Variants in HIRA observed in about 807,000 individuals in gnomAD.
The protein encoded by HIRA is histone cell cycle regulator, also known as protein HIRA.
A neutral mutation model predicts 126.6 loss-of-function variants in HIRA; 13 were observed. The ratio of observed to expected loss-of-function variants is 0.10; its 90% confidence interval spans 0.07 to 0.16. The LOEUF (loss-of-function observed/expected upper bound fraction) is 0.16. Among genes scored for constraint, HIRA ranks in the 10% least tolerant of loss-of-function variants. The pLI, the probability that HIRA is intolerant of heterozygous loss-of-function variation, is 1.00. For synonymous variants in HIRA, 511 were observed against 520.0 expected (o/e 0.98, Z 0.24); for missense variants, 834 against 1,314.4 (o/e 0.63, Z 5.65).
intron 18 of HIRA, among the ~76,000 whole-genome samples, 156 bp from the exon 19 acceptor site, chr22:19,357,207 G>A (rs1036201972): frequency 2.3e-4 from 35 of 152,324 alleles, no homozygotes; most frequent in African/African-American, 7.7e-4. Flanking sequence ...TCAGGGTAGG[G>A]CTGGTGGGGC....
chr22:19,372,058 G>C (rs1279037540), intron 15 of HIRA, among the ~76,000 whole-genome samples: 1 of 152,168 alleles, frequency 6.6e-6, no homozygotes, highest in Non-Finnish European at 1.5e-5. Flanking sequence ...TTCCAAAGGT[G>C]CTAAAAGACT....
chr22:19,424,373 A>T (rs2089472675), intron 1 of HIRA, among the ~76,000 whole-genome samples: 1 of 152,196 alleles, frequency 6.6e-6, no homozygotes, highest in Non-Finnish European at 1.5e-5. Context: ...TCTGCTTCTC[A>T]CTGAAAACAT....
intron 24 of HIRA, among the ~76,000 whole-genome samples, chr22:19,334,210 T>C (rs901236899): frequency 1.7e-4 from 26 of 151,422 alleles, no homozygotes; most frequent in Admixed American, 9.8e-4. Context: ...CTCCTGACCT[T>C]GTGATCCGCC....
chr22:19,379,430 G>T (rs1366026613), intron 13 of HIRA, among the ~76,000 whole-genome samples: 2 of 150,806 alleles, frequency 1.3e-5, no homozygotes, highest in African/African-American at 4.9e-5. Flanking sequence ...TTCGAGACCA[G>T]CCTGGCCAAC....
intron 18 of HIRA, among the ~76,000 whole-genome samples, chr22:19,358,015 T>C (rs1444114302): frequency 2.0e-5 from 3 of 152,174 alleles, no homozygotes; most frequent in Non-Finnish European, 4.4e-5. Context: ...TCTTATTTTT[T>C]CTGAGACAGA....
chr22:19,420,040 TTGTGTGTG>T (rs59900884), intron 1 of HIRA, among the ~76,000 whole-genome samples: 35 of 147,318 alleles, frequency 2.4e-4, no homozygotes, highest in Middle Eastern at 3.4e-3. Context: ...CATACAACCA[TTGTGTGTG>T]TGTGTGTGTG....
intron 10 of HIRA, 44 bp downstream of exon 10, chr22:19,388,440 C>T: frequency 6.7e-7 from 1 of 1,481,888 alleles, no homozygotes; most frequent in Non-Finnish European, 9.4e-7. Context: ...CAATGTGTGG[C>T]TTCTCCTTTC....
chr22:19,339,144 A>G (rs782211741), intron 24 of HIRA, among the ~76,000 whole-genome samples: 2 of 152,230 alleles, frequency 1.3e-5, no homozygotes, highest in Non-Finnish European at 2.9e-5. Context: ...ATTAACTCCA[A>G]AAGGAACCCT....
Position 19,431,622 on chromosome 22 carries a change from G to T in HIRA, c.-146C>A. 1 of 745,298 alleles carries T rather than the reference G, an allele frequency of 1.3e-6. No individual in the cohort carries two copies. The highest frequency in any genetic ancestry group is 1.6e-6 in the Non-Finnish European group (1 of 608,068). The allele number at this position is 745,298 out of a possible 1,614,324, so 46.2% of individuals were successfully genotyped here. A position where few individuals can be genotyped will look rare whatever the true frequency, so the allele number is the denominator to read the frequency against. ...GCGCCCTCAGGGCCGCCGCGCCATC[G>T]CCGGCCCGCGCCCCCCTCCGCCGCC... On this transcript the variant is annotated 5_prime_UTR_variant, in exon 1 of 25. Coordinates refer to ENST00000263208, the MANE Select transcript of HIRA (RefSeq NM_003325.4).
intron 5 of HIRA, among the ~76,000 whole-genome samples, chr22:19,404,234 A>T (rs948614541): frequency 4.6e-5 from 7 of 152,164 alleles, no homozygotes; most frequent in African/African-American, 1.7e-4. Flanking sequence ...TGCTACCAGG[A>T]CCAGTGAGTA....
At chr22:19,365,065 A>G (rs1192921137) in intron 15 of HIRA, among the ~76,000 whole-genome samples, 1 of 152,240 alleles carries the variant, frequency 6.6e-6, no homozygotes, top group Non-Finnish European at 1.5e-5. Flanking sequence ...ATCCAAAGCA[A>G]GGCTCTAACT....
At chr22:19,419,168 T>G (rs1163803002) in intron 1 of HIRA, among the ~76,000 whole-genome samples, 1 of 152,218 alleles carries the variant, frequency 6.6e-6, no homozygotes, top group Non-Finnish European at 1.5e-5. Flanking sequence ...TATGGCTGAC[T>G]GCCTTCTAGA....
intron 15 of HIRA, 56 bp downstream of exon 15, chr22:19,375,575 G>A: frequency 1.3e-6 from 2 of 1,585,062 alleles, no homozygotes; most frequent in South Asian, 2.2e-5. Flanking sequence ...CCACTGTGCT[G>A]TTGACCCATG....
intron 1 of HIRA, among the ~76,000 whole-genome samples, chr22:19,430,957 A>G (rs1172177102): frequency 6.6e-6 from 1 of 152,134 alleles, no homozygotes; most frequent in Non-Finnish European, 1.5e-5. Context: ...TTTAGGGACC[A>G]CAATTCCCCA....
chr22:19,337,814 CAG>C (rs2088582849), intron 24 of HIRA, among the ~76,000 whole-genome samples: 1 of 151,702 alleles, frequency 6.6e-6, no homozygotes, highest in African/African-American at 2.4e-5. Context: ...TTTTTTGAGA[CAG>C]AGTCTTGCTT....
At chr22:19,429,263 G>C (rs1159401552) in intron 1 of HIRA, among the ~76,000 whole-genome samples, 1 of 143,194 alleles carries the variant, frequency 7.0e-6, no homozygotes, top group Non-Finnish European at 1.5e-5. Context: ...TCAGCCTCCC[G>C]AGTAGTTGGG....
intron 3 of HIRA, among the ~76,000 whole-genome samples, chr22:19,408,233 C>T (rs2089323062): frequency 6.6e-6 from 1 of 152,158 alleles, no homozygotes; most frequent in East Asian, 1.9e-4. Flanking sequence ...CCCATGGAAT[C>T]AGGCAGTAAC....
intron 1 of HIRA, 138 bp downstream of exon 1, chr22:19,431,302 T>C: frequency 1.0e-6 from 1 of 964,640 alleles, no homozygotes; most frequent in Non-Finnish European, 1.6e-6. Flanking sequence ...CAAAGTCCGC[T>C]CCCGCCGGCT....
At position 19,377,763 on chromosome 22, in the gene HIRA, T is replaced by C. The variant is rs2285334; in HGVS notation, c.1613+106A>G. ...ACGCATTTTTTTCTTTCTTTTTTGATTGAAGGGGCCACAAAGTGCAAACAG... is the reference window on the plus strand; with the variant it reads ...ACGCATTTTTTTCTTTCTTTTTTGACTGAAGGGGCCACAAAGTGCAAACAG... On this transcript the variant is annotated intron_variant, in intron 14 of 24. Transcript: ENST00000263208. 190,264 of 1,012,748 alleles carry C rather than the reference T, an allele frequency of 0.19. 18,945 individuals are homozygous for C. Among genetic ancestry groups the C allele is most frequent in the East Asian group, 0.31 (11,749 of 38,098 alleles). The allele number at this position is 1,012,748 out of a possible 1,614,324, so 62.7% of individuals were successfully genotyped here.
Sources: gnomAD v4.1 joint callset for allele counts (sites outside exome capture counted in the v4.1 genomes callset) on GRCh38, gnomAD v4.1.1 for gene constraint, MANE v1.5 for transcripts, NCBI Gene and HGNC (gene_info 2026-07-23, HGNC 2026-07-21) for gene names.